SEMA6A: variants seen among roughly 807,000 people sequenced by gnomAD.
SEMA6A encodes the protein semaphorin-6A.
SEMA6A carries 25 observed loss-of-function variants against 96.8 expected under a neutral mutation model. That is an observed-to-expected ratio of 0.26 (90% CI 0.19 to 0.36). The LOEUF (loss-of-function observed/expected upper bound fraction) is 0.36. Ranked by LOEUF, SEMA6A falls within the 10% of genes least tolerant of loss-of-function variation. SEMA6A has a pLI of 1.00. For synonymous variants in SEMA6A, 612 were observed against 518.0 expected, an observed-to-expected ratio of 1.18 and a Z score of -2.46; for missense variants, 1,363 against 1,323.1, an observed-to-expected ratio of 1.03 and a Z score of -0.47.
At chr5:116,538,012 T>G (rs1403041929) in intron 1 of SEMA6A, among the ~76,000 whole-genome samples, 1 of 151,982 alleles carries the variant, frequency 6.6e-6, no homozygotes, top group Non-Finnish European at 1.5e-5. Flanking sequence ...TCGTCTCTAC[T>G]AAAATACAAA....
chr5:116,538,100 G>A (rs528767576), intron 1 of SEMA6A, among the ~76,000 whole-genome samples: 25 of 152,266 alleles, frequency 1.6e-4, no homozygotes, highest in Non-Finnish European at 3.4e-4. Flanking sequence ...GCTTGAACCC[G>A]GGAGGCGGAG....
In SEMA6A at chr5:116,447,668, C is replaced by G; in HGVS notation, c.2038G>C (p.Asp680His). ...VYCVCDHRRK[D>H]VAVVQRKEKE... ...TCCTTGCGCTGCACCACAGCCACGT[C>G]TTTGCGCCGATGATCACAGACGCAG... Residue 680 changes from aspartate to histidine, a missense_variant, in exon 19 of 19, where the codon GAC becomes CAC. Physicochemically the swap from Asp to His is moderately conservative, Grantham distance 81. Around this residue, in one of 2 missense-constraint regions of SEMA6A, gnomAD observed 883 missense variants for 763.6 expected, o/e 1.16. Coordinates refer to ENST00000343348, the MANE Select transcript of SEMA6A (RefSeq NM_020796.5). The G allele has an allele frequency of 6.2e-7, 1 of 1,614,034 alleles. No individual in the cohort carries two copies. The highest frequency in any genetic ancestry group is 8.5e-7 in the Non-Finnish European group (1 of 1,179,894).
intron 3 of SEMA6A, among the ~76,000 whole-genome samples, chr5:116,500,875 G>A (rs1407034420): frequency 2.0e-5 from 3 of 151,996 alleles, no homozygotes; most frequent in African/African-American, 7.3e-5. Flanking sequence ...GCGTGGTGGC[G>A]GGCACCTGTA....
rs552059786 is a variant in SEMA6A at position 116,519,499 on chromosome 5, G to A, written c.-38-14517C>T. On this transcript the variant is annotated intron_variant, in intron 1 of 18. Transcript: ENST00000343348. Reference sequence around the variant, plus strand: ...TCCTGTACTCATTCATTCACTCATCGAATTCAGTCACTTTAGAAATGGCTG... The same window carrying A: ...TCCTGTACTCATTCATTCACTCATCAAATTCAGTCACTTTAGAAATGGCTG... Among the ~76,000 whole-genome samples the A allele has an allele frequency of 3.9e-5, 6 of 152,210 alleles. No individual in the cohort carries two copies. In the South Asian group the frequency reaches 8.3e-4, roughly 21 times the overall value.
intron 1 of SEMA6A, among the ~76,000 whole-genome samples, chr5:116,570,635 T>C (rs774378710): frequency 9.2e-5 from 14 of 152,246 alleles, no homozygotes; most frequent in Non-Finnish European, 2.1e-4. Flanking sequence ...ACAAATAAGA[T>C]GGAGAGACTA....
At chr5:116,484,374 C>T (rs772875280) in intron 10 of SEMA6A, among the ~76,000 whole-genome samples, 3 of 152,122 alleles carry the variant, frequency 2.0e-5, no homozygotes, top group South Asian at 2.1e-4. Context: ...TCTTTCCTTT[C>T]AATTTTCCTT....
At chr5:116,561,538 T>C (rs1331661588) in intron 1 of SEMA6A, among the ~76,000 whole-genome samples, 1 of 152,276 alleles carries the variant, frequency 6.6e-6, no homozygotes, top group East Asian at 1.9e-4. Context: ...GTATGGTTGA[T>C]GACATGCATT....
Position 116,446,780 on chromosome 5 carries a change from G to A in SEMA6A, c.2926C>T (p.Pro976Ser). ...GAGACAGTCACGGCCTGGCCAGATG[G>A]CTGGGAGCTGTGCACCTGGATGGAG... ...VDSIQVHSSQ[P>S]SGQAVTVSRQ... The change falls in exon 19 of 19, where the codon CCA becomes TCA. Residue 976 changes from proline (P) to serine (S), a missense_variant. Pro to Ser is a moderately conservative substitution (Grantham distance 74). This residue lies in a region of SEMA6A where 883 missense variants were observed against 763.6 expected (regional missense o/e 1.16). Transcript: ENST00000343348. 6.2e-7 allele frequency: 1 copy of A among 1,612,036 alleles called. No homozygotes were observed. The highest frequency in any genetic ancestry group is 1.3e-5 in the African/African-American group (1 of 75,034).
intron 5 of SEMA6A, 105 bp from the exon 6 acceptor site, chr5:116,495,619 C>T (rs758076046): frequency 5.5e-6 from 4 of 733,444 alleles, no homozygotes; most frequent in Non-Finnish European, 9.1e-6. Context: ...GTGGAGGTGG[C>T]TGAGGACTTC....
chr5:116,460,921 G>C (rs751621386), intron 18 of SEMA6A, among the ~76,000 whole-genome samples: 4 of 151,398 alleles, frequency 2.6e-5, no homozygotes, highest in Admixed American at 6.6e-5. Flanking sequence ...AAGTAGCTGA[G>C]ATTACAGGCA....
chr5:116,571,196 T>A (rs1761198345), intron 1 of SEMA6A, among the ~76,000 whole-genome samples: 1 of 152,232 alleles, frequency 6.6e-6, no homozygotes. Flanking sequence ...TTTCATTCAT[T>A]CGACATTTAC....
chr5:116,475,870 CT>C (rs1405736182), intron 15 of SEMA6A, among the ~76,000 whole-genome samples: 1 of 152,176 alleles, frequency 6.6e-6, no homozygotes, highest in Non-Finnish European at 1.5e-5. Context: ...TTACATCCTT[CT>C]TTACTCTAAT....
At chr5:116,529,800 T>G (rs1234066468) in intron 1 of SEMA6A, among the ~76,000 whole-genome samples, 1 of 151,992 alleles carries the variant, frequency 6.6e-6, no homozygotes, top group Non-Finnish European at 1.5e-5. Flanking sequence ...TGAGTACACA[T>G]GGACACAAAG....
At chr5:116,524,642 TTACAG>T (rs1374463777) in intron 1 of SEMA6A, among the ~76,000 whole-genome samples, 18 of 151,984 alleles carry the variant, frequency 1.2e-4, no homozygotes, top group African/African-American at 4.1e-4. Context: ...ACCAAAAACA[TTACAG>T]TAATTACAGA....
chr5:116,573,659 C>A (rs1761334835), intron 1 of SEMA6A, among the ~76,000 whole-genome samples: 1 of 151,706 alleles, frequency 6.6e-6, no homozygotes, highest in Admixed American at 6.5e-5. Context: ...ACAAAAGATT[C>A]TCTCCGCTTC....
At chr5:116,523,899 T>G (rs1263901011) in intron 1 of SEMA6A, among the ~76,000 whole-genome samples, 1 of 152,208 alleles carries the variant, frequency 6.6e-6, no homozygotes, top group Non-Finnish European at 1.5e-5. Context: ...TTTCAATGCC[T>G]TCAGCCACAG....
At chr5:116,541,252 T>C (rs1327894519) in intron 1 of SEMA6A, among the ~76,000 whole-genome samples, 1 of 152,170 alleles carries the variant, frequency 6.6e-6, no homozygotes, top group East Asian at 1.9e-4. Context: ...GTATGGCAGA[T>C]TCAAATTAAC....
rs1755877914 is a variant in SEMA6A, at chr5:116,467,966, G to C, written c.1730-219C>G. The C allele has an allele frequency of 1.3e-5, 7 of 548,416 alleles. No individual in the cohort carries two copies. In the East Asian group the frequency reaches 2.2e-4, roughly 17 times the overall value. The allele number at this position is 548,416 out of a possible 1,614,324, so 34.0% of individuals were successfully genotyped here. On this transcript the variant is annotated intron_variant, in intron 17 of 18. Transcript: ENST00000343348. ...TTGAACTTGTAGTTAGAAAATGAAG[G>C]GCCAGATCCTATCTCTCATACTTGC...
chr5:116,458,921 G>T (rs1205511511), intron 18 of SEMA6A, among the ~76,000 whole-genome samples: 4 of 152,024 alleles, frequency 2.6e-5, no homozygotes, highest in African/African-American at 9.7e-5. Context: ...GTTCAAACAT[G>T]GAAACCCACA....
Sources: gnomAD v4.1 joint callset for allele counts (sites outside exome capture counted in the v4.1 genomes callset) on GRCh38, gnomAD v4.1.1 for gene constraint, gnomAD v4.1.1 regional missense constraint, MANE v1.5 for transcripts, NCBI Gene and HGNC (gene_info 2026-07-23, HGNC 2026-07-21) for gene names.